MTHFD2L: variants seen among roughly 807,000 people sequenced by gnomAD.
MTHFD2L encodes methylenetetrahydrofolate dehydrogenase (NADP+ dependent) 2 like.
MTHFD2L carries 29 observed loss-of-function variants against 34.9 expected under a neutral mutation model. The observed-to-expected ratio is 0.83, with a 90% CI of 0.62 to 1.13. MTHFD2L has a LOEUF of 1.13. Among genes scored for constraint, MTHFD2L ranks in the 50% most tolerant of loss-of-function variants. The pLI is 0.00. For synonymous variants in MTHFD2L, 167 were observed against 155.7 expected (o/e 1.07, Z -0.54); for missense variants, 481 against 446.5 (o/e 1.08, Z -0.70).
chr4:74,158,729 C>G (rs903462143), intron 1 of MTHFD2L, among the ~76,000 whole-genome samples: 2 of 152,142 alleles, frequency 1.3e-5, no homozygotes, highest in African/African-American at 4.8e-5. Flanking sequence ...TCTTTTCCAA[C>G]TCTAAAATTA....
chr4:74,179,645 CT>C (rs142271502), intron 3 of MTHFD2L, among the ~76,000 whole-genome samples: 7,554 of 151,944 alleles, frequency 0.05, 587 homozygotes, highest in African/African-American at 0.17. Context: ...GAAAATCGAT[CT>C]TTTATACTAC....
At chr4:74,212,121 C>T (rs1230539821) in intron 5 of MTHFD2L, among the ~76,000 whole-genome samples, 3 of 151,752 alleles carry the variant, frequency 2.0e-5, no homozygotes, top group Non-Finnish European at 4.4e-5. Context: ...TTTTGTTAAT[C>T]TTAAAAAAAA....
intron 1 of MTHFD2L, among the ~76,000 whole-genome samples, chr4:74,167,571 G>C (rs1364147225): frequency 6.6e-6 from 1 of 152,230 alleles, no homozygotes; most frequent in Non-Finnish European, 1.5e-5. Context: ...CCAGGGTACA[G>C]GGTTGGGAAA....
chr4:74,182,013 G>A (rs1412981605), intron 3 of MTHFD2L, among the ~76,000 whole-genome samples: 3 of 151,982 alleles, frequency 2.0e-5, no homozygotes, highest in East Asian at 1.9e-4. Context: ...TTATTAAAAT[G>A]TTTGACCAGA....
At chr4:74,197,642 G>A (rs186682485) in intron 3 of MTHFD2L, among the ~76,000 whole-genome samples, 2 of 152,206 alleles carry the variant, frequency 1.3e-5, no homozygotes, top group African/African-American at 4.8e-5. Context: ...AGAACAAAAA[G>A]ATATGGATTT....
At chr4:74,186,501 A>G (rs984861609) in intron 3 of MTHFD2L, among the ~76,000 whole-genome samples, 1 of 150,914 alleles carries the variant, frequency 6.6e-6, no homozygotes, top group Non-Finnish European at 1.5e-5. Flanking sequence ...AGATTGAAGG[A>G]TACAAGCTTA....
chr4:74,134,569 T>C (rs1189448967), intron 1 of MTHFD2L, among the ~76,000 whole-genome samples: 2 of 152,068 alleles, frequency 1.3e-5, no homozygotes, highest in African/African-American at 4.8e-5. Context: ...TACATAGATG[T>C]ATACCCACAA....
chr4:74,220,501 A>T (rs1029090586), intron 5 of MTHFD2L, among the ~76,000 whole-genome samples: 5 of 151,854 alleles, frequency 3.3e-5, no homozygotes, highest in African/African-American at 1.2e-4. Context: ...CTTTGATTAT[A>T]TTTTTAATGA....
intron 7 of MTHFD2L, among the ~76,000 whole-genome samples, chr4:74,286,427 T>C (rs1385883798): frequency 6.6e-6 from 1 of 152,176 alleles, no homozygotes; most frequent in Non-Finnish European, 1.5e-5. Flanking sequence ...AGAAAGAAAC[T>C]TCATACATTT....
At chr4:74,285,559 A>G (rs1342566428) in intron 7 of MTHFD2L, among the ~76,000 whole-genome samples, 1 of 152,150 alleles carries the variant, frequency 6.6e-6, no homozygotes, top group Non-Finnish European at 1.5e-5. Context: ...TTTTACTACT[A>G]GTAAATAGTA....
intron 1 of MTHFD2L, among the ~76,000 whole-genome samples, chr4:74,166,385 T>C (rs1344224089): frequency 6.6e-6 from 1 of 152,252 alleles, no homozygotes; most frequent in African/African-American, 2.4e-5. Flanking sequence ...TTTTTATGTG[T>C]CTCTGTGTCT....
intron 5 of MTHFD2L, among the ~76,000 whole-genome samples, chr4:74,216,237 T>C (rs1001953155): frequency 5.3e-5 from 8 of 151,872 alleles, no homozygotes; most frequent in Admixed American, 1.3e-4. Flanking sequence ...TAAACATTTC[T>C]TCTCATTCTC....
At chr4:74,267,805 G>C (rs188605354) in intron 6 of MTHFD2L, 3 of 985,306 alleles carry the variant, frequency 3.0e-6, no homozygotes, top group Non-Finnish European at 3.6e-6. Flanking sequence ...CAGAAATATG[G>C]TCCAAGGCAG....
chr4:74,138,058 T>A (rs1341143532), intron 1 of MTHFD2L, among the ~76,000 whole-genome samples: 1 of 150,412 alleles, frequency 6.6e-6, no homozygotes, highest in Non-Finnish European at 1.5e-5. Context: ...ATAAATTTTA[T>A]ATATATATAT....
chr4:74,264,072 G>C (rs963648337), intron 6 of MTHFD2L, among the ~76,000 whole-genome samples: 3 of 151,924 alleles, frequency 2.0e-5, no homozygotes, highest in African/African-American at 4.8e-5. Context: ...CCTGATGAAG[G>C]GCATCTGTGA....
chr4:74,294,137 C>T (rs915749289), intron 7 of MTHFD2L, among the ~76,000 whole-genome samples: 2 of 152,038 alleles, frequency 1.3e-5, no homozygotes, highest in South Asian at 2.1e-4. Context: ...ACTATAGGAA[C>T]GTGAGACATC....
At chr4:74,271,674 A>G (rs931567926) in intron 6 of MTHFD2L, among the ~76,000 whole-genome samples, 1 of 152,158 alleles carries the variant, frequency 6.6e-6, no homozygotes, top group Non-Finnish European at 1.5e-5. Flanking sequence ...GTTCCATATG[A>G]ACTTTAAAGT....
chr4:74,252,940 C>T (rs1743514567), intron 6 of MTHFD2L, among the ~76,000 whole-genome samples: 2 of 151,996 alleles, frequency 1.3e-5, no homozygotes, highest in Admixed American at 1.3e-4. Flanking sequence ...AATTTCAGAA[C>T]ATTAACAATC....
chr4:74,299,401 C>CAGCAGT (rs760547709), intron 7 of MTHFD2L, among the ~76,000 whole-genome samples: 118 of 151,684 alleles, frequency 7.8e-4, no homozygotes, highest in Middle Eastern at 3.4e-3. Context: ...GCAGCAGCAG[C>CAGCAGT]AGCAGTAGCA....
Sources: gnomAD v4.1 joint callset for allele counts (sites outside exome capture counted in the v4.1 genomes callset) on GRCh38, gnomAD v4.1.1 for gene constraint, MANE v1.5 for transcripts, NCBI Gene and HGNC (gene_info 2026-07-23, HGNC 2026-07-21) for gene names.